Variants in PARPBP observed in about 807,000 individuals in gnomAD.
PARPBP encodes PARP1 binding protein.
PARPBP carries 52 observed loss-of-function variants against 50.0 expected under a neutral mutation model. The observed-to-expected ratio is 1.04, with a 90% CI of 0.83 to 1.31. The LOEUF (loss-of-function observed/expected upper bound fraction) is 1.31. Ranked by LOEUF, PARPBP falls within the 50% of genes most tolerant of loss-of-function variation. The pLI, the probability that PARPBP is intolerant of heterozygous loss-of-function variation, is 0.00. For missense variants in PARPBP, 697 were observed against 672.0 expected, an observed-to-expected ratio of 1.04 and a Z score of -0.41; for synonymous variants, 244 against 232.1, an observed-to-expected ratio of 1.05 and a Z score of -0.47.
chr12:102,146,863 A>T (rs969361848), intron 2 of PARPBP, among the ~76,000 whole-genome samples: 2 of 151,982 alleles, frequency 1.3e-5, no homozygotes, highest in African/African-American at 4.8e-5. Context: ...ACTCAAACAA[A>T]TTTGCAAGAA....
chr12:102,161,571 A>G (rs1283463956), intron 4 of PARPBP, among the ~76,000 whole-genome samples: 1 of 152,208 alleles, frequency 6.6e-6, no homozygotes, highest in East Asian at 1.9e-4. Flanking sequence ...TTAGGATCTA[A>G]GGACAGATGA....
chr12:102,182,480 G>T, intron 8 of PARPBP, 69 bp from the exon 9 acceptor site: 1 of 1,087,332 alleles, frequency 9.2e-7, no homozygotes, highest in Non-Finnish European at 1.4e-6. Flanking sequence ...AAGTTTCAAC[G>T]TGAATTTGGA....
rs1235730620 is a variant in PARPBP at position 102,153,859 on chromosome 12, T to C, written c.388-10T>C. The C allele has an allele frequency of 1.4e-6, 2 of 1,471,620 alleles. No individual in the cohort carries two copies. Among genetic ancestry groups the C allele is most frequent in the Non-Finnish European group, 1.9e-6 (2 of 1,050,474 alleles). The allele number at this position is 1,471,620 out of a possible 1,614,324, so 91.2% of individuals were successfully genotyped here. A position where few individuals can be genotyped will look rare whatever the true frequency, so the allele number is the denominator to read the frequency against. ...AGCATTTTATTAGTAATACTCTATGTTTTCTACAGAGTCAACTACTGGATT... is the reference window on the plus strand; with the variant it reads ...AGCATTTTATTAGTAATACTCTATGCTTTCTACAGAGTCAACTACTGGATT... On this transcript the variant is annotated splice_polypyrimidine_tract_variant and intron_variant, in intron 3 of 10. Coordinates refer to ENST00000327680, the MANE Select transcript of PARPBP (RefSeq NM_017915.5).
chr12:102,182,466 A>G, intron 8 of PARPBP, 83 bp from the exon 9 acceptor site: 1 of 908,966 alleles, frequency 1.1e-6, no homozygotes, highest in South Asian at 1.5e-5. Context: ...TTGTATTGGG[A>G]ATTAAGTTTC....
intron 9 of PARPBP, among the ~76,000 whole-genome samples, chr12:102,189,227 G>T (rs767020861): frequency 7.2e-5 from 11 of 152,178 alleles, no homozygotes; most frequent in Admixed American, 1.3e-4. Flanking sequence ...ATATAAAGTT[G>T]CCTATGGGTT....
chr12:102,133,550 A>C (rs961920844), intron 2 of PARPBP, among the ~76,000 whole-genome samples: 1 of 151,434 alleles, frequency 6.6e-6, no homozygotes. Flanking sequence ...TATTTTGTTG[A>C]GGAATTTTGC....
At position 102,156,176 on chromosome 12, in the gene PARPBP, CTTTTTTT is replaced by C. The variant is rs869213784; in HGVS notation, c.495+2222_495+2228del. 3.8e-3 allele frequency among the ~76,000 whole-genome samples: 253 copies of C among 66,152 alleles called. 6 individuals are homozygous for C. In the East Asian group the frequency reaches 0.099, roughly 26 times the overall value. 43.4% of individuals were successfully genotyped at this position (66,152 alleles called of 152,430 possible). A position where few individuals can be genotyped will look rare whatever the true frequency, so the allele number is the denominator to read the frequency against. ...CATATTTGGCTCAGAATTAACCTTC[CTTTTTTT>C]TTTTTTTTTTTTTTTTTTTTTGAGA... On this transcript the variant is annotated intron_variant, in intron 4 of 10. Transcript: ENST00000327680.
chr12:102,151,839 A>G (rs1341982232), intron 3 of PARPBP: 1 of 1,428,870 alleles, frequency 7.0e-7, no homozygotes, highest in Non-Finnish European at 9.5e-7. Context: ...AGAACATTGA[A>G]GAAGCCACCT....
intron 2 of PARPBP, among the ~76,000 whole-genome samples, chr12:102,136,552 C>T (rs1883660012): frequency 6.6e-6 from 1 of 152,186 alleles, no homozygotes; most frequent in South Asian, 2.1e-4. Flanking sequence ...GTTTACGTAG[C>T]AGTCACTCAG....
intron 2 of PARPBP, among the ~76,000 whole-genome samples, chr12:102,124,396 C>T (rs117707167): frequency 0.017 from 2,640 of 152,148 alleles, 33 homozygotes; most frequent in Middle Eastern, 0.027. Flanking sequence ...GGCTCTTGTA[C>T]CCCAATCCTG....
intron 9 of PARPBP, among the ~76,000 whole-genome samples, chr12:102,187,976 C>T (rs1324123131): frequency 6.6e-6 from 1 of 152,120 alleles, no homozygotes; most frequent in South Asian, 2.1e-4. Context: ...TTGTCAGCTG[C>T]TTTCTTCCCT....
chr12:102,147,160 C>G (rs1241086211), intron 2 of PARPBP, among the ~76,000 whole-genome samples: 1 of 152,022 alleles, frequency 6.6e-6, no homozygotes, highest in African/African-American at 2.4e-5. Flanking sequence ...GTCAGTGTGG[C>G]TATTCCTCGG....
At chr12:102,150,195 T>C in intron 3 of PARPBP, 1 of 454,428 alleles carries the variant, frequency 2.2e-6, no homozygotes, top group Non-Finnish European at 4.4e-6. Flanking sequence ...GTACATGAAG[T>C]AGAAAATGTT....
rs771739645 is a variant in PARPBP at position 102,148,343 on chromosome 12, G to A, written c.267G>A (p.Glu89=). 3.2e-6 allele frequency: 5 copies of A among 1,587,030 alleles called. No individual in the cohort carries two copies. The highest frequency in any genetic ancestry group is 4.3e-6 in the Non-Finnish European group (5 of 1,155,918). ...VENMDVTDHY[E]DVRKIYDDFL... ...ACATGGACGTGACTGACCATTATGA[G>A]GACGTTAGGAAGATTTATGATGATT... The change falls in exon 3 of 11, where the codon GAG becomes GAA. Residue 89 remains glutamate, a synonymous_variant. Coordinates refer to ENST00000327680, the MANE Select transcript of PARPBP (RefSeq NM_017915.5).
chr12:102,145,694 C>T (rs1340902840), intron 2 of PARPBP, among the ~76,000 whole-genome samples: 1 of 152,008 alleles, frequency 6.6e-6, no homozygotes. Context: ...TGTTTTATTT[C>T]TCGTGGGATA....
At chr12:102,171,711 A>G (rs974682499) in intron 6 of PARPBP, among the ~76,000 whole-genome samples, 1 of 151,938 alleles carries the variant, frequency 6.6e-6, no homozygotes, top group South Asian at 2.1e-4. Context: ...CTAAAAATAC[A>G]AAAAATTAGC....
At chr12:102,183,900 C>A (rs1379618513) in intron 9 of PARPBP, among the ~76,000 whole-genome samples, 2 of 151,776 alleles carry the variant, frequency 1.3e-5, no homozygotes, top group Non-Finnish European at 2.9e-5. Context: ...CATGGTGAAA[C>A]CCTGTCTCTA....
chr12:102,165,178 T>G (rs1036226033), intron 5 of PARPBP, among the ~76,000 whole-genome samples: 1 of 152,234 alleles, frequency 6.6e-6, no homozygotes, highest in African/African-American at 2.4e-5. Flanking sequence ...CATATGTATT[T>G]TTATCATTGT....
chr12:102,141,391 G>C (rs948020565), intron 2 of PARPBP, among the ~76,000 whole-genome samples: 15 of 151,964 alleles, frequency 9.9e-5, no homozygotes, highest in Non-Finnish European at 2.2e-4. Context: ...CTGCATGTGA[G>C]ATGGGTCTCC....
Sources: allele counts gnomAD v4.1 joint callset (sites outside exome capture counted in the v4.1 genomes callset), GRCh38; gene constraint gnomAD v4.1.1; transcripts MANE v1.5; gene names NCBI Gene and HGNC (gene_info 2026-07-23, HGNC 2026-07-21).